TACC2: variants seen among roughly 807,000 people sequenced by gnomAD.
TACC2 encodes transforming acidic coiled-coil-containing protein 2.
In TACC2, 137 loss-of-function variants were observed where a neutral mutation model predicts 227.3. The observed-to-expected ratio is 0.60, with a 90% CI of 0.52 to 0.69. TACC2 has a LOEUF of 0.69. Ranked by LOEUF, TACC2 falls within the 30% of genes least tolerant of loss-of-function variation. The pLI is 0.00. For missense variants in TACC2, 3,470 were observed against 3,694.4 expected (o/e 0.94, Z 1.57); for synonymous variants, 1,523 against 1,487.5 (o/e 1.02, Z -0.55).
At chr10:122,013,713 T>G (rs781386354) in intron 1 of TACC2, among the ~76,000 whole-genome samples, 2 of 152,158 alleles carry the variant, frequency 1.3e-5, no homozygotes, top group Non-Finnish European at 2.9e-5. Flanking sequence ...AGCAATGCCA[T>G]GGCAGAAAAC....
chr10:122,073,106 CAAAA>C (rs1164376721), intron 3 of TACC2, among the ~76,000 whole-genome samples: 1 of 19,408 alleles, frequency 5.2e-5, no homozygotes, highest in African/African-American at 2.3e-4. Context: ...GACTCTGTCT[CAAAA>C]AAAAAAAAAA....
chr10:122,010,207 ATTCT>A (rs1039541754), intron 1 of TACC2, among the ~76,000 whole-genome samples: 2 of 152,030 alleles, frequency 1.3e-5, no homozygotes, highest in African/African-American at 4.8e-5. Context: ...CCACCCCTTC[ATTCT>A]GTCATCCCTC....
At chr10:122,221,650 A>G (rs936489833) in intron 11 of TACC2, among the ~76,000 whole-genome samples, 3 of 152,092 alleles carry the variant, frequency 2.0e-5, no homozygotes, top group Non-Finnish European at 2.9e-5. Flanking sequence ...CCCTAATATA[A>G]TGTCACTTAG....
At chr10:122,089,497 T>C (rs1403355850) in intron 5 of TACC2, among the ~76,000 whole-genome samples, 4 of 152,228 alleles carry the variant, frequency 2.6e-5, no homozygotes, top group Non-Finnish European at 4.4e-5. Flanking sequence ...CTTTTCTACA[T>C]GAAATGCCAC....
chr10:122,237,837 T>C (rs2095889233), intron 17 of TACC2, 124 bp from the exon 18 acceptor site: 1 of 762,994 alleles, frequency 1.3e-6, no homozygotes, highest in Non-Finnish European at 2.1e-6. Flanking sequence ...AATGTAATTA[T>C]GGTTTGTTGT....
intron 7 of TACC2, among the ~76,000 whole-genome samples, chr10:122,151,030 C>T (rs537499275): frequency 1.7e-4 from 26 of 152,258 alleles, no homozygotes; most frequent in African/African-American, 6.0e-4. Flanking sequence ...TAGTAGTACC[C>T]ACCTCTTGGG....
In TACC2 at chr10:122,083,518, T is replaced by C; in HGVS notation, c.1018T>C (p.Tyr340His). The change falls in exon 4 of 23, where the codon TAT becomes CAT. Residue 340 changes from tyrosine to histidine, a missense_variant. Coordinates refer to ENST00000369005, the MANE Select transcript of TACC2 (RefSeq NM_206862.4). ...GAGCTGCCAGCAGCCAGTGGGAGCA[T>C]ATCTGCCGCACGCAGAGCTGCCCTG... ...QESCQQPVGA[Y>H]LPHAELPWGL... is the part of the protein sequence containing the mutation. The C allele has an allele frequency of 6.2e-7, 1 of 1,613,164 alleles. No homozygotes were observed. Among genetic ancestry groups the C allele is most frequent in the Non-Finnish European group, 8.5e-7 (1 of 1,179,972 alleles).
At chr10:122,008,597 G>A (rs1451894989) in intron 1 of TACC2, among the ~76,000 whole-genome samples, 1 of 149,524 alleles carries the variant, frequency 6.7e-6, no homozygotes, top group East Asian at 2.0e-4. Context: ...TTTTGAGATG[G>A]AGTCTCACTC....
At chr10:122,048,626 G>A (rs2075331700) in intron 2 of TACC2, among the ~76,000 whole-genome samples, 1 of 152,052 alleles carries the variant, frequency 6.6e-6, no homozygotes, top group Non-Finnish European at 1.5e-5. Context: ...CCAAAGTGCT[G>A]GGATTGCAGG....
chr10:122,188,755 C>T (rs1458101791), intron 7 of TACC2, among the ~76,000 whole-genome samples: 7 of 152,172 alleles, frequency 4.6e-5, no homozygotes, highest in African/African-American at 1.7e-4. Flanking sequence ...GCCAGCGCCC[C>T]GGGAACCCCA....
chr10:122,196,933 CAA>C (rs58473562), intron 8 of TACC2, among the ~76,000 whole-genome samples: 43 of 78,226 alleles, frequency 5.5e-4, no homozygotes, highest in African/African-American at 2.0e-3. Flanking sequence ...GAGTCCGTCT[CAA>C]AAAAAAAAAA....
At chr10:122,100,179 G>C (rs1454701934) in intron 5 of TACC2, among the ~76,000 whole-genome samples, 2 of 151,180 alleles carry the variant, frequency 1.3e-5, no homozygotes, top group South Asian at 4.2e-4. Context: ...CAGGAGAATC[G>C]TTTGAACTTG....
At chr10:122,231,354 T>C (rs2095744257) in intron 16 of TACC2, among the ~76,000 whole-genome samples, 1 of 148,770 alleles carries the variant, frequency 6.7e-6, no homozygotes, top group Non-Finnish European at 1.5e-5. Flanking sequence ...GACTGTGCTC[T>C]GTGGCTTTGA....
At chr10:122,149,635 T>A (rs2091818313) in intron 7 of TACC2, among the ~76,000 whole-genome samples, 1 of 152,092 alleles carries the variant, frequency 6.6e-6, no homozygotes, top group Admixed American at 6.5e-5. Flanking sequence ...GTTAGAGAAG[T>A]CAGCCCTTTG....
At chr10:122,071,024 G>C (rs1287211683) in intron 3 of TACC2, among the ~76,000 whole-genome samples, 1 of 152,028 alleles carries the variant, frequency 6.6e-6, no homozygotes, top group African/African-American at 2.4e-5. Flanking sequence ...CCAGAATCTA[G>C]CTATACAAGC....
intron 3 of TACC2, among the ~76,000 whole-genome samples, chr10:122,060,861 C>G (rs905825027): frequency 6.6e-6 from 1 of 151,788 alleles, no homozygotes; most frequent in Non-Finnish European, 1.5e-5. Context: ...AGAAATTAGC[C>G]GGGCGTGGTG....
intron 4 of TACC2, among the ~76,000 whole-genome samples, chr10:122,088,270 TAGTC>T (rs1249448549): frequency 1.3e-5 from 2 of 152,160 alleles, no homozygotes; most frequent in African/African-American, 4.8e-5. Flanking sequence ...TGATAGGTTA[TAGTC>T]AGTCATATAT....
chr10:122,219,499 A>G (rs1252081400), intron 11 of TACC2, among the ~76,000 whole-genome samples: 1 of 152,236 alleles, frequency 6.6e-6, no homozygotes, highest in African/African-American at 2.4e-5. Context: ...TTGTGAAATA[A>G]TGGTAACACA....
intron 16 of TACC2, among the ~76,000 whole-genome samples, chr10:122,231,523 G>A (rs2095748998): frequency 6.6e-6 from 1 of 152,256 alleles, no homozygotes; most frequent in Admixed American, 6.5e-5. Flanking sequence ...GAAAGCTGCT[G>A]TTGTTAGCTG....
Sources: gnomAD v4.1 joint callset for allele counts (sites outside exome capture counted in the v4.1 genomes callset) on GRCh38, gnomAD v4.1.1 for gene constraint, MANE v1.5 for transcripts, NCBI Gene and HGNC (gene_info 2026-07-23, HGNC 2026-07-21) for gene names.